The following PDGFRB variants were observed in gnomAD, a reference collection of about 807,000 sequenced individuals.
PDGFRB encodes the protein platelet-derived growth factor receptor beta.
PDGFRB carries 42 observed loss-of-function variants against 120.2 expected under a neutral mutation model. That is an observed-to-expected ratio of 0.35 (90% confidence interval 0.27 to 0.45). The LOEUF is 0.45. Among genes scored for constraint, PDGFRB ranks in the 20% least tolerant of loss-of-function variants. The probability of loss-of-function intolerance (pLI) is 1.00; values close to 1 mark genes in which losing one functional copy is unlikely to be tolerated. For synonymous variants in PDGFRB, 586 were observed against 606.8 expected, an observed-to-expected ratio of 0.97 and a Z score of 0.50; for missense variants, 1,149 against 1,476.3, an observed-to-expected ratio of 0.78 and a Z score of 3.63.
intron 6 of PDGFRB, among the ~76,000 whole-genome samples, chr5:150,133,307 A>C (rs942582045): frequency 6.7e-6 from 1 of 149,598 alleles, no homozygotes; most frequent in African/African-American, 2.6e-5. Context: ...CTGGCTAGTC[A>C]GAAAGTCTAG....
At chr5:150,134,054 C>CACT in intron 4 of PDGFRB, 46 bp from the exon 5 acceptor site, 2 of 1,596,426 alleles carry the variant, frequency 1.3e-6, no homozygotes, top group Non-Finnish European at 1.7e-6. Flanking sequence ...CACCACCAGC[C>CACT]ACTAGCACTT....
chr5:150,117,629 G>T lies in PDGFRB; in HGVS notation c.3126C>A (p.Pro1042=). 3.7e-6 allele frequency: 6 copies of T among 1,604,548 alleles called. No homozygotes were observed. The highest frequency in any genetic ancestry group is 5.1e-6 in the Non-Finnish European group (6 of 1,171,748). The change falls in exon 22 of 23, where the codon CCC becomes CCA. Residue 1042 remains proline, a synonymous_variant. Transcript: ENST00000261799. The part of the protein sequence containing the change: ...VADEGPLEGS[P]SLASSTLNEV... ...GCCAGGGTGGTTACCTGGCTAGGCT[G>T]GGGGAACCCTCCAGTGGGCCCTCGT... is the stretch of plus-strand genomic sequence containing the variant.
intron 2 of PDGFRB, 62 bp from the exon 3 acceptor site, chr5:150,135,940 A>C (rs1404005794): frequency 7.9e-7 from 1 of 1,264,772 alleles, no homozygotes; most frequent in African/African-American, 1.5e-5. Context: ...CCCAAGGCTG[A>C]GCCTGCGAGG....
At position 150,133,779 on chromosome 5, in the gene PDGFRB, C is replaced by A. The variant is rs776602750; in HGVS notation, c.760-19G>T. On this transcript the variant is annotated intron_variant, in intron 5 of 22. Coordinates refer to ENST00000261799, the MANE Select transcript of PDGFRB (RefSeq NM_002609.4). ...GCCCACTCTGCAGCAACAGGTTGGG[C>A]AGGCCCCCCAAATCAGGAGGGGCCG... 4 of 1,612,962 alleles carry A rather than the reference C, an allele frequency of 2.5e-6. No homozygotes were observed. The African/African-American group carries it at 5.3e-5, about 22-fold the overall frequency.
chr5:150,122,491 C>T (rs763148381), intron 15 of PDGFRB, among the ~76,000 whole-genome samples: 1 of 152,264 alleles, frequency 6.6e-6, no homozygotes, highest in Non-Finnish European at 1.5e-5. Context: ...ATGGGAGAAG[C>T]CCTTTGGCTC....
chr5:150,123,170 G>A lies in PDGFRB; in HGVS notation c.2055C>T (p.Arg685=), dbSNP rs778948645. The A allele has an allele frequency of 3.1e-6, 5 of 1,613,658 alleles. No homozygotes were observed. The African/African-American group carries it at 4.0e-5, about 13-fold the overall frequency. The change falls in exon 15 of 23, where the codon CGC becomes CGT. Residue 685 remains arginine, a synonymous_variant. Coordinates refer to ENST00000261799, the MANE Select transcript of PDGFRB (RefSeq NM_002609.4). The part of the protein sequence containing the change: ...GPIYIITEYC[R]YGDLVDYLHR... ...GCAGGTAGTCCACCAGGTCTCCGTA[G>A]CGGCAGTACTCAGTGATGATATAGA...
chr5:150,128,371 G>A (rs538793024), intron 10 of PDGFRB, among the ~76,000 whole-genome samples: 6 of 152,380 alleles, frequency 3.9e-5, no homozygotes, highest in Admixed American at 2.6e-4. Context: ...GCAGGGGACA[G>A]GAGGCAGCTC....
Position 150,118,758 on chromosome 5 carries a change from C to T in PDGFRB, c.2893G>A (p.Gly965Ser). ...CTGCCTCAACATACCTTTTTGTAAC[C>T]TTCGCCCAACAGTCTCTCGAGAAGC... ...VLLLERLLGE[G>S]YKKKYQQVDE... The change falls in exon 21 of 23, where the codon GGT becomes AGT. Residue 965 changes from glycine to serine, a missense_variant. By Grantham distance (56) the Gly-to-Ser change is moderately conservative. Around this residue, in one of 3 missense-constraint regions of PDGFRB, gnomAD observed 202 missense variants for 214.3 expected, o/e 0.94. Transcript: ENST00000261799. The T allele has an allele frequency of 1.2e-6, 2 of 1,609,308 alleles. No homozygotes were observed. The highest frequency in any genetic ancestry group is 8.5e-7 in the Non-Finnish European group (1 of 1,175,710).
rs754451292 is a variant in PDGFRB, at chr5:150,133,888, C to T, written c.752G>A (p.Arg251His). ...EVVNFEWTYP[R>H]KESGRLVEPV... is the part of the protein sequence containing the mutation. ...TGCCTGGCCCCACATTACTTCTTTG[C>T]GGGGGTATGTCCACTCGAAGTTGAC... is the stretch of plus-strand genomic sequence containing the variant. The change falls in exon 5 of 23, where the codon CGC becomes CAC. Residue 251 changes from arginine to histidine, a missense_variant. This residue lies in a region of PDGFRB where 879 missense variants were observed against 1,108.6 expected (regional missense o/e 0.79). Coordinates refer to ENST00000261799, the MANE Select transcript of PDGFRB (RefSeq NM_002609.4). 3 of 1,614,018 alleles carry T rather than the reference C, an allele frequency of 1.9e-6. No homozygotes were observed. The highest frequency in any genetic ancestry group is 2.2e-5 in the East Asian group (1 of 44,880).
At chr5:150,125,344 G>A (rs1387047553) in intron 12 of PDGFRB, 101 bp downstream of exon 12, 102 of 1,003,604 alleles carry the variant, frequency 1.0e-4, no homozygotes, top group Non-Finnish European at 1.5e-6. Flanking sequence ...ACCAGCCCTA[G>A]GTCTCATAGC....
rs534879618 is a variant in PDGFRB at position 150,129,712 on chromosome 5, G to A, written c.1579+45C>T. The stretch of plus-strand genomic sequence containing the variant: ...CACATTACCAATTAGGCAGGATTAA[G>A]GTAGGGATTGGGATCGTCAGGGGCC... On this transcript the variant is annotated intron_variant, in intron 10 of 22. Coordinates refer to ENST00000261799, the MANE Select transcript of PDGFRB (RefSeq NM_002609.4). The A allele has an allele frequency of 3.3e-6, 5 of 1,509,496 alleles. No homozygotes were observed. In the East Asian group the frequency reaches 6.8e-5, roughly 20 times the overall value. The allele number at this position is 1,509,496 out of a possible 1,614,324, so 93.5% of individuals were successfully genotyped here.
chr5:150,122,053 G>A lies in PDGFRB; in HGVS notation c.2184-13C>T. On this transcript the variant is annotated splice_polypyrimidine_tract_variant and intron_variant, in intron 15 of 22. Coordinates refer to ENST00000261799, the MANE Select transcript of PDGFRB (RefSeq NM_002609.4). ...CAAGGACACATGGCTGGGGGTAAAGGAGCATCACAGGAGAGCCTGCAGGCT... is the reference window on the plus strand; with the variant it reads ...CAAGGACACATGGCTGGGGGTAAAGAAGCATCACAGGAGAGCCTGCAGGCT... 6.2e-7 allele frequency: 1 copy of A among 1,611,484 alleles called. No homozygotes were observed. Among genetic ancestry groups the A allele is most frequent in the Non-Finnish European group, 8.5e-7 (1 of 1,179,190 alleles).
chr5:150,136,298 G>A (rs1760629961), intron 2 of PDGFRB, among the ~76,000 whole-genome samples: 1 of 152,222 alleles, frequency 6.6e-6, no homozygotes, highest in South Asian at 2.1e-4. Context: ...GTGGCTCTGG[G>A]TGGGAGAGAG....
At chr5:150,126,009 G>GT (rs1391440621) in intron 11 of PDGFRB, among the ~76,000 whole-genome samples, 1 of 152,246 alleles carries the variant, frequency 6.6e-6, no homozygotes, top group Non-Finnish European at 1.5e-5. Context: ...ACATCTTAAG[G>GT]TGTTGGAACC....
intron 10 of PDGFRB, 47 bp downstream of exon 10, chr5:150,129,710 A>T: frequency 6.7e-7 from 1 of 1,496,788 alleles, no homozygotes; most frequent in Non-Finnish European, 9.2e-7. Flanking sequence ...AGGCAGGATT[A>T]AGGTAGGGAT....
rs1013992135 is a variant in PDGFRB at position 150,115,323 on chromosome 5, G to A, written c.*440C>T. The stretch of plus-strand genomic sequence containing the variant: ...CTAGCTCCTGGGTGGATAAAAGTGC[G>A]AGGAGAGAGCTATGATTCCTTGAGG... On this transcript the variant is annotated 3_prime_UTR_variant, in exon 23 of 23. Coordinates refer to ENST00000261799, the MANE Select transcript of PDGFRB (RefSeq NM_002609.4). 3.8e-5 allele frequency: 9 copies of A among 233,926 alleles called. No homozygotes were observed. The South Asian group carries it at 5.4e-4, about 14-fold the overall frequency. 14.5% of individuals were successfully genotyped at this position (233,926 alleles called of 1,614,324 possible).
Position 150,119,582 on chromosome 5 carries a change from G to A in PDGFRB, c.2699-16C>T, listed in dbSNP as rs1760066896. 6.7e-7 allele frequency: 1 copy of A among 1,490,950 alleles called. No homozygotes were observed. The highest frequency in any genetic ancestry group is 9.4e-7 in the Non-Finnish European group (1 of 1,067,428). The allele number at this position is 1,490,950 out of a possible 1,614,324, so 92.4% of individuals were successfully genotyped here. ...GGGGTGCCACCTGTTGGGGAGCAGA[G>A]ACAAGAGATACACAGGCTCAGGGGT... On this transcript the variant is annotated splice_polypyrimidine_tract_variant and intron_variant, in intron 19 of 22. Transcript: ENST00000261799.
In PDGFRB at chr5:150,115,835, C is replaced by T. The variant is rs1402204320; in HGVS notation, c.3249G>A (p.Glu1083=). 6.2e-7 allele frequency: 1 copy of T among 1,613,206 alleles called. No homozygotes were observed. The highest frequency in any genetic ancestry group is 1.1e-5 in the South Asian group (1 of 90,910). ...AATCCGGCAACTGTTCCAGCTCTGG[C>T]TCCGGCTCCACCTGGAGCTCAAGCT... ...EPQLELQVEP[E]PELEQLPDSG... Residue 1083 remains glutamate (E), a synonymous_variant, in exon 23 of 23, where the codon GAG becomes GAA. Transcript: ENST00000261799.
In PDGFRB at chr5:150,125,396, C is replaced by T. The variant is rs1760266107; in HGVS notation, c.1807+49G>A. Reference sequence around the variant, plus strand: ...GGGACCAGACCTCAGAGAGTCTTCCCACCCAACTTGAGTCCCCACACTGCC... The same window carrying T: ...GGGACCAGACCTCAGAGAGTCTTCCTACCCAACTTGAGTCCCCACACTGCC... On this transcript the variant is annotated intron_variant, in intron 12 of 22. Transcript: ENST00000261799. The T allele has an allele frequency of 1.9e-6, 3 of 1,558,752 alleles. No individual in the cohort carries two copies. The South Asian group carries it at 3.5e-5, about 18-fold the overall frequency.
Sources: gnomAD v4.1 joint callset for allele counts (sites outside exome capture counted in the v4.1 genomes callset) on GRCh38, gnomAD v4.1.1 for gene constraint, gnomAD v4.1.1 regional missense constraint, MANE v1.5 for transcripts, NCBI Gene and HGNC (gene_info 2026-07-23, HGNC 2026-07-21) for gene names.